ANKS1B: variants seen among roughly 807,000 people sequenced by gnomAD.
ANKS1B encodes the protein ankyrin repeat and sterile alpha motif domain-containing protein 1B.
In ANKS1B, 36 loss-of-function variants were observed where a neutral mutation model predicts 148.3. That is an observed-to-expected ratio of 0.24 (90% CI 0.19 to 0.32). The LOEUF is 0.32. ANKS1B is among the 10% of genes least tolerant of loss of function. The pLI, the probability that ANKS1B is intolerant of heterozygous loss-of-function variation, is 1.00. For missense variants in ANKS1B, 1,157 were observed against 1,542.6 expected, an observed-to-expected ratio of 0.75 and a Z score of 4.19; for synonymous variants, 542 against 560.8, an observed-to-expected ratio of 0.97 and a Z score of 0.47.
At position 99,976,211 on chromosome 12, in the gene ANKS1B, G is replaced by A. The variant is rs1075153; in HGVS notation, c.134+7893C>T. 8.9e-3 allele frequency among the ~76,000 whole-genome samples: 1,360 copies of A among 152,268 alleles called. 25 individuals carry two copies. Among genetic ancestry groups the A allele is most frequent in the African/African-American group, 0.031 (1,269 of 41,548 alleles). ...TGGACTACTAGAGGGTGGAAGGGGGGTAGATTAAAAAACAGCCTATTAGGT... is the reference window on the plus strand; with the variant it reads ...TGGACTACTAGAGGGTGGAAGGGGGATAGATTAAAAAACAGCCTATTAGGT... On this transcript the variant is annotated intron_variant, in intron 1 of 26. Transcript: ENST00000683438.
chr12:99,203,736 C>T lies in ANKS1B; in HGVS notation c.2419+40606G>A, dbSNP rs558442183. Among the ~76,000 whole-genome samples the T allele has an allele frequency of 2.6e-5, 4 of 152,332 alleles. No individual in the cohort carries two copies. In the East Asian group the frequency reaches 7.7e-4, roughly 29 times the overall value. Reference sequence around the variant, plus strand: ...AAAGTGCTGGGATTACAGGCGTGAGCCACTGCACCCGGCCAAGACCTGCTT... The same window carrying T: ...AAAGTGCTGGGATTACAGGCGTGAGTCACTGCACCCGGCCAAGACCTGCTT... On this transcript the variant is annotated intron_variant, in intron 14 of 26. Coordinates refer to ENST00000683438, the MANE Select transcript of ANKS1B (RefSeq NM_001352186.2).
chr12:99,510,750 A>T (rs2153027814), intron 9 of ANKS1B, among the ~76,000 whole-genome samples: 1 of 152,164 alleles, frequency 6.6e-6, no homozygotes, highest in Admixed American at 6.6e-5. Context: ...AAGAAGTTCT[A>T]GTGTGAGTAA....
rs140119058 is a variant in ANKS1B, at chr12:99,390,123, A to G, written c.1756+9508T>C. Among the ~76,000 whole-genome samples, 71 of 152,356 alleles carry G rather than the reference A, an allele frequency of 4.7e-4. No homozygotes were observed. In the East Asian group the frequency reaches 0.013, roughly 28 times the overall value. On this transcript the variant is annotated intron_variant, in intron 12 of 26. Coordinates refer to ENST00000683438, the MANE Select transcript of ANKS1B (RefSeq NM_001352186.2). The stretch of plus-strand genomic sequence containing the variant: ...GCCTAGATCTTTAGTAATAACAGCA[A>G]TAAAAAAGTAATAATACCCACATGT...
At chr12:99,679,683 A>G (rs1219703795) in intron 8 of ANKS1B, among the ~76,000 whole-genome samples, 1 of 152,190 alleles carries the variant, frequency 6.6e-6, no homozygotes, top group Non-Finnish European at 1.5e-5. Flanking sequence ...TCAAATAAAA[A>G]AGAACCAAAT....
chr12:99,166,141 A>G (rs1382282845), intron 14 of ANKS1B, among the ~76,000 whole-genome samples: 1 of 151,720 alleles, frequency 6.6e-6, no homozygotes, highest in African/African-American at 2.4e-5. Context: ...AGGCATTTAT[A>G]CACAACCTAC....
intron 15 of ANKS1B, among the ~76,000 whole-genome samples, chr12:99,149,884 G>A (rs2074357166): frequency 6.6e-6 from 1 of 152,156 alleles, no homozygotes; most frequent in Non-Finnish European, 1.5e-5. Flanking sequence ...ATTATGTGAA[G>A]AATGAGGGGC....
At chr12:99,732,999 G>A (rs773631754) in intron 8 of ANKS1B, among the ~76,000 whole-genome samples, 1 of 146,866 alleles carries the variant, frequency 6.8e-6, no homozygotes, top group Non-Finnish European at 1.5e-5. Flanking sequence ...TTTCACAAGA[G>A]TGTTATTGTT....
chr12:99,340,167 T>G (rs2152325808), intron 12 of ANKS1B, among the ~76,000 whole-genome samples: 1 of 152,308 alleles, frequency 6.6e-6, no homozygotes, highest in African/African-American at 2.4e-5. Flanking sequence ...TTCATTAGCC[T>G]GCTCCAAGTT....
At chr12:98,815,676 T>G (rs558756566) in intron 19 of ANKS1B, among the ~76,000 whole-genome samples, 1 of 152,274 alleles carries the variant, frequency 6.6e-6, no homozygotes, top group African/African-American at 2.4e-5. Context: ...GCAGCCATTT[T>G]TTTTCCAGTT....
rs1240094956 is a variant in ANKS1B, at chr12:99,246,472, C to G, written c.2149G>C (p.Gly717Arg). Residue 717 changes from glycine to arginine, a missense_variant, in exon 13 of 27, where the codon GGG (glycine) becomes CGG (arginine). This residue lies in a region of ANKS1B where 661 missense variants were observed against 642.1 expected (regional missense o/e 1.03). Transcript: ENST00000683438. ...GGFVERACTL[G>R]RIRSLPKALI... ...GCTTTAGGCAATGACCTTATTCTCC[C>G]CAGAGTACAGGCTCTCTCCACAAAT... 1 of 1,613,804 alleles carries G rather than the reference C, an allele frequency of 6.2e-7. No individual in the cohort carries two copies. Among genetic ancestry groups the G allele is most frequent in the Admixed American group, 1.7e-5 (1 of 59,990 alleles).
chr12:99,336,962 GTTA>G (rs1199605610), intron 12 of ANKS1B, among the ~76,000 whole-genome samples: 1 of 152,042 alleles, frequency 6.6e-6, no homozygotes, highest in Non-Finnish European at 1.5e-5. Context: ...TGGGAGTTTG[GTTA>G]TTAAGTGTCT....
At chr12:99,424,686 A>G (rs959405700) in intron 11 of ANKS1B, among the ~76,000 whole-genome samples, 1 of 151,246 alleles carries the variant, frequency 6.6e-6, no homozygotes, top group African/African-American at 2.4e-5. Flanking sequence ...TAACTTGTCT[A>G]TCTATCTATC....
At chr12:99,326,674 T>C (rs981944412) in intron 12 of ANKS1B, among the ~76,000 whole-genome samples, 1 of 152,044 alleles carries the variant, frequency 6.6e-6, no homozygotes, top group Non-Finnish European at 1.5e-5. Flanking sequence ...GGAGCTTATG[T>C]TGAGAAAGTT....
At chr12:98,960,281 C>CAG (rs139654884) in intron 17 of ANKS1B, among the ~76,000 whole-genome samples, 208 of 150,110 alleles carry the variant, frequency 1.4e-3, no homozygotes, top group South Asian at 3.4e-3. Flanking sequence ...CAGCTCAGCA[C>CAG]AGAGAGAGAG....
At chr12:99,672,197 T>C (rs1389551410) in intron 8 of ANKS1B, among the ~76,000 whole-genome samples, 1 of 152,078 alleles carries the variant, frequency 6.6e-6, no homozygotes, top group African/African-American at 2.4e-5. Flanking sequence ...TGGATAAGTC[T>C]TCTGTCTGAG....
chr12:99,886,933 G>A (rs889829455), intron 1 of ANKS1B, among the ~76,000 whole-genome samples: 8 of 152,122 alleles, frequency 5.3e-5, no homozygotes, highest in Admixed American at 3.9e-4. Context: ...TATGCATAAT[G>A]GTAAAAATTC....
intron 9 of ANKS1B, among the ~76,000 whole-genome samples, chr12:99,571,895 T>C (rs115734757): frequency 1.2e-3 from 176 of 152,210 alleles, no homozygotes; most frequent in African/African-American, 4.1e-3. Context: ...TCCAAAGTAT[T>C]TTACCTGACT....
chr12:99,244,942 C>T (rs112520930), intron 13 of ANKS1B, among the ~76,000 whole-genome samples: 5 of 152,310 alleles, frequency 3.3e-5, no homozygotes, highest in African/African-American at 1.2e-4. Flanking sequence ...GCAACCTCCG[C>T]CGCCCAGGTC....
chr12:99,096,982 T>C (rs2372644), intron 15 of ANKS1B: 1 of 151,982 alleles, frequency 6.6e-6, no homozygotes, highest in Non-Finnish European at 1.5e-5. Flanking sequence ...TCTTTCTACT[T>C]GGTATTATAT....
Sources: gnomAD v4.1 joint callset for allele counts (sites outside exome capture counted in the v4.1 genomes callset) on GRCh38, gnomAD v4.1.1 for gene constraint, gnomAD v4.1.1 regional missense constraint, MANE v1.5 for transcripts, NCBI Gene and HGNC (gene_info 2026-07-23, HGNC 2026-07-21) for gene names.